Variants in RBFOX3 observed in about 807,000 individuals in gnomAD.
RBFOX3 encodes the protein RNA binding fox-1 homolog 3.
RBFOX3 carries 17 observed loss-of-function variants against 48.7 expected under a neutral mutation model. That is an observed-to-expected ratio of 0.35 (90% CI 0.24 to 0.52). RBFOX3 has a LOEUF of 0.52. Among genes scored for constraint, RBFOX3 ranks in the 20% least tolerant of loss-of-function variants. RBFOX3 has a pLI of 0.94. For synonymous variants in RBFOX3, 212 were observed against 209.5 expected (o/e 1.01, Z -0.10); for missense variants, 382 against 497.5 (o/e 0.77, Z 2.21).
intron 4 of RBFOX3, among the ~76,000 whole-genome samples, chr17:79,155,649 G>A (rs2045614577): frequency 6.6e-6 from 1 of 152,096 alleles, no homozygotes; most frequent in South Asian, 2.1e-4. Context: ...GTCCCTTAGG[G>A]GCACGGAGAT....
intron 2 of RBFOX3, among the ~76,000 whole-genome samples, chr17:79,368,917 G>A (rs2058141271): frequency 1.3e-5 from 2 of 152,212 alleles, no homozygotes; most frequent in Admixed American, 1.3e-4. Flanking sequence ...GGCAGGAGAT[G>A]GCCCACACAG....
chr17:79,563,150 G>A (rs1304949246), intron 1 of RBFOX3, among the ~76,000 whole-genome samples: 1 of 151,784 alleles, frequency 6.6e-6, no homozygotes, highest in Admixed American at 6.6e-5. Flanking sequence ...AAGCCAACAG[G>A]ATCAATAGCC....
intron 4 of RBFOX3, among the ~76,000 whole-genome samples, chr17:79,219,683 C>T (rs1462651994): frequency 2.0e-5 from 3 of 152,172 alleles, no homozygotes; most frequent in Admixed American, 1.3e-4. Flanking sequence ...CTGCAAGCTG[C>T]TCGTGTCTGG....
At chr17:79,491,073 GGAGGCGAGGGGAGGC>G (rs2080474648) in intron 1 of RBFOX3, among the ~76,000 whole-genome samples, 4 of 5,256 alleles carry the variant, frequency 7.6e-4, no homozygotes, top group African/African-American at 2.4e-3. Context: ...GGAGGGGAGG[GGAGGCGAGGGGAGGC>G]GAGGGGAGGG....
At position 79,319,950 on chromosome 17, in the gene RBFOX3, A is replaced by G. The variant is rs796604617; in HGVS notation, c.-174-12126T>C. 6.0e-3 allele frequency among the ~76,000 whole-genome samples: 431 copies of G among 72,082 alleles called. 1 individual carries two copies. The highest frequency in any genetic ancestry group is 0.012 in the Middle Eastern group (1 of 82). 47.3% of individuals were successfully genotyped at this position (72,082 alleles called of 152,430 possible). A position where few individuals can be genotyped will look rare whatever the true frequency, so the allele number is the denominator to read the frequency against. ...TATGTCTGGGCTGTTGGTCTTGTCC[A>G]GGCTGCTGGTCTTGTCCGGGCTGCT... On this transcript the variant is annotated intron_variant, in intron 2 of 14. Coordinates refer to ENST00000693108, the MANE Select transcript of RBFOX3 (RefSeq NM_001350451.2).
chr17:79,228,923 T>C (rs976503669), intron 4 of RBFOX3, among the ~76,000 whole-genome samples: 1 of 152,110 alleles, frequency 6.6e-6, no homozygotes, highest in Non-Finnish European at 1.5e-5. Flanking sequence ...ATATTGGAAA[T>C]GTTCTCTCAA....
At chr17:79,380,478 G>A (rs1360328419) in intron 2 of RBFOX3, among the ~76,000 whole-genome samples, 1 of 152,184 alleles carries the variant, frequency 6.6e-6, no homozygotes, top group Non-Finnish European at 1.5e-5. Context: ...AGCGCCCCTG[G>A]CCTGGGAGAG....
At position 79,143,252 on chromosome 17, in the gene RBFOX3, G is replaced by A. The variant is rs975221850; in HGVS notation, c.-33-27504C>T. On this transcript the variant is annotated intron_variant, in intron 4 of 14. Transcript: ENST00000693108. ...GTGCCAGCTCGCCCGAGTCCACCCCGTTCTCTGCCCACCCTGCCTCTGTCC... is the reference window on the plus strand; with the variant it reads ...GTGCCAGCTCGCCCGAGTCCACCCCATTCTCTGCCCACCCTGCCTCTGTCC... 1.1e-4 allele frequency among the ~76,000 whole-genome samples: 16 copies of A among 151,978 alleles called. No individual in the cohort carries two copies. In the East Asian group the frequency reaches 1.2e-3, roughly 11 times the overall value.
At chr17:79,399,006 G>A (rs892016377) in intron 2 of RBFOX3, among the ~76,000 whole-genome samples, 16 of 152,206 alleles carry the variant, frequency 1.1e-4, no homozygotes, top group South Asian at 4.1e-4. Context: ...GGAAAACACC[G>A]TGTGAAGACA....
At chr17:79,219,714 C>T (rs368668767) in intron 4 of RBFOX3, among the ~76,000 whole-genome samples, 2 of 152,002 alleles carry the variant, frequency 1.3e-5, no homozygotes, top group African/African-American at 4.8e-5. Flanking sequence ...CCGGGGAGGT[C>T]GGCTGGGGCT....
rs966793430 is a variant in RBFOX3 at position 79,500,349 on chromosome 17, C to T, written c.-319-17751G>A. On this transcript the variant is annotated intron_variant, in intron 1 of 14. Transcript: ENST00000693108. ...CTCGGCTCACTGCAACCTCCGCCTC[C>T]GGGGTTCAAGTAATTCTCCTGCCTC... Among the ~76,000 whole-genome samples, 17 of 151,458 alleles carry T rather than the reference C, an allele frequency of 1.1e-4. No homozygotes were observed. The East Asian group carries it at 1.2e-3, about 10-fold the overall frequency.
chr17:79,159,336 G>A lies in RBFOX3; in HGVS notation c.-33-43588C>T, dbSNP rs1443977076. On this transcript the variant is annotated intron_variant, in intron 4 of 14. Coordinates refer to ENST00000693108, the MANE Select transcript of RBFOX3 (RefSeq NM_001350451.2). ...GTTCCTCCTCACAGATTCTATAGCC[G>A]GAGATGGAGATGGCTCAGGGGCATG... Among the ~76,000 whole-genome samples, 3 of 152,256 alleles carry A rather than the reference G, an allele frequency of 2.0e-5. No individual in the cohort carries two copies. The East Asian group carries it at 5.8e-4, about 29-fold the overall frequency.
intron 3 of RBFOX3, among the ~76,000 whole-genome samples, chr17:79,280,135 TCA>T (rs777584476): frequency 6.9e-6 from 1 of 145,902 alleles, no homozygotes; most frequent in African/African-American, 2.6e-5. Flanking sequence ...CACATACATG[TCA>T]CACACATGTG....
At chr17:79,635,008 C>T in the RBFOX3 span, among the ~76,000 whole-genome samples, 1 of 123,316 alleles carries the variant, frequency 8.1e-6, no homozygotes, top group African/African-American at 3.0e-5. Context: ...TGCAGCAAGC[C>T]GAGATCACCC....
At chr17:79,256,732 A>G (rs1451396881) in intron 3 of RBFOX3, among the ~76,000 whole-genome samples, 3 of 152,022 alleles carry the variant, frequency 2.0e-5, no homozygotes, top group Non-Finnish European at 2.9e-5. Context: ...AGCCTGGCCA[A>G]GAAGGAGAAA....
chr17:79,179,085 G>A (rs1327841676), intron 4 of RBFOX3, among the ~76,000 whole-genome samples: 3 of 152,210 alleles, frequency 2.0e-5, no homozygotes, highest in Non-Finnish European at 4.4e-5. Flanking sequence ...ACAGCCCAGG[G>A]AACAGAGACT....
chr17:79,118,067 G>A (rs1341905665), intron 4 of RBFOX3, among the ~76,000 whole-genome samples: 1 of 152,072 alleles, frequency 6.6e-6, no homozygotes, highest in African/African-American at 2.4e-5. Context: ...TGGAGCCTGG[G>A]CAACCCAGCC....
At chr17:79,450,362 A>G (rs933276574) in intron 2 of RBFOX3, among the ~76,000 whole-genome samples, 1 of 152,218 alleles carries the variant, frequency 6.6e-6, no homozygotes, top group Non-Finnish European at 1.5e-5. Flanking sequence ...AAAACGGGGA[A>G]AAAACACCGG....
intron 4 of RBFOX3, among the ~76,000 whole-genome samples, chr17:79,223,657 G>T (rs980620679): frequency 6.6e-6 from 1 of 152,142 alleles, no homozygotes; most frequent in African/African-American, 2.4e-5. Context: ...TGGTCAGAAC[G>T]CCAGCAGCTA....
Sources: gnomAD v4.1 joint callset for allele counts (sites outside exome capture counted in the v4.1 genomes callset) on GRCh38, gnomAD v4.1.1 for gene constraint, MANE v1.5 for transcripts, NCBI Gene and HGNC (gene_info 2026-07-23, HGNC 2026-07-21) for gene names.